ERC2: variants seen among roughly 807,000 people sequenced by gnomAD.
ERC2 encodes the protein ERC protein 2.
Under a neutral mutation model 114.8 loss-of-function variants are expected in ERC2, and 42 were observed. The ratio of observed to expected loss-of-function variants is 0.37; its 90% CI spans 0.29 to 0.47. The LOEUF is 0.47. Ranked by LOEUF, ERC2 falls within the 20% of genes least tolerant of loss-of-function variation. The pLI is 0.99. For missense variants in ERC2, 939 were observed against 1,150.7 expected (o/e 0.82, Z 2.66); for synonymous variants, 454 against 425.5 (o/e 1.07, Z -0.82).
intron 3 of ERC2, among the ~76,000 whole-genome samples, chr3:56,281,001 CAGCTTAT>C (rs2054301020): frequency 6.6e-6 from 1 of 152,186 alleles, no homozygotes; most frequent in South Asian, 2.1e-4. Context: ...TAAGTAAGAA[CAGCTTAT>C]ACACAACCCA....
intron 13 of ERC2, among the ~76,000 whole-genome samples, chr3:55,926,192 G>A (rs1008626579): frequency 6.6e-6 from 1 of 152,110 alleles, no homozygotes; most frequent in Non-Finnish European, 1.5e-5. Flanking sequence ...AATTGTTGAA[G>A]ATTTGAAGCA....
chr3:55,706,039 C>T (rs2063463604), intron 15 of ERC2, among the ~76,000 whole-genome samples: 1 of 151,932 alleles, frequency 6.6e-6, no homozygotes, highest in Admixed American at 6.6e-5. Context: ...GCCACAGGTG[C>T]ACACTTGGCC....
intron 2 of ERC2, among the ~76,000 whole-genome samples, chr3:56,351,542 C>G (rs953769207): frequency 6.6e-6 from 1 of 152,156 alleles, no homozygotes; most frequent in Non-Finnish European, 1.5e-5. Context: ...AGAAAGAAAA[C>G]TAACAACCCA....
intron 17 of ERC2, among the ~76,000 whole-genome samples, chr3:55,610,203 A>G (rs953218336): frequency 6.6e-6 from 1 of 151,958 alleles, no homozygotes. Context: ...TACCCACTAG[A>G]TGACCCATTA....
At chr3:55,527,962 G>A (rs1575478313) in intron 17 of ERC2, among the ~76,000 whole-genome samples, 1 of 152,220 alleles carries the variant, frequency 6.6e-6, no homozygotes, top group Non-Finnish European at 1.5e-5. Context: ...GTGATTTAAT[G>A]TCCTGAGCCT....
At chr3:56,222,849 A>G (rs1051343021) in intron 3 of ERC2, among the ~76,000 whole-genome samples, 2 of 152,232 alleles carry the variant, frequency 1.3e-5, no homozygotes, top group African/African-American at 2.4e-5. Flanking sequence ...TGTGAAATGG[A>G]AAAAAGGAGA....
intron 14 of ERC2, among the ~76,000 whole-genome samples, chr3:55,864,172 T>TATATATATACACATATATATATACAC (rs1559783276): frequency 3.3e-4 from 38 of 113,484 alleles, no homozygotes; most frequent in East Asian, 1.7e-3. Flanking sequence ...TATATACACA[T>TATATATATACACATATATATATACAC]ATATATATAC....
intron 17 of ERC2, among the ~76,000 whole-genome samples, chr3:55,543,817 A>C (rs1481941216): frequency 6.6e-6 from 1 of 152,106 alleles, no homozygotes; most frequent in Admixed American, 6.5e-5. Context: ...TCGGAACTAC[A>C]GCTTGCATGT....
At chr3:55,742,099 A>G (rs2065998240) in intron 14 of ERC2, among the ~76,000 whole-genome samples, 1 of 152,072 alleles carries the variant, frequency 6.6e-6, no homozygotes, top group South Asian at 2.1e-4. Context: ...CACCCTGAAA[A>G]AAAAAAAAAC....
chr3:56,214,757 C>T (rs1192479443), intron 3 of ERC2, among the ~76,000 whole-genome samples: 1 of 151,560 alleles, frequency 6.6e-6, no homozygotes, highest in Middle Eastern at 3.2e-3. Flanking sequence ...GGTCATGTTA[C>T]CCACAAAGGG....
chr3:56,339,096 G>C (rs1018826873), intron 2 of ERC2, among the ~76,000 whole-genome samples: 1 of 152,154 alleles, frequency 6.6e-6, no homozygotes, highest in African/African-American at 2.4e-5. Flanking sequence ...CCAGCTATGG[G>C]AGACAACATG....
intron 17 of ERC2, chr3:55,606,453 T>C (rs963930007): frequency 1.2e-4 from 18 of 147,546 alleles, no homozygotes; most frequent in African/African-American, 4.6e-4. Context: ...AAATAGTAAA[T>C]GTAATAGTCA....
chr3:56,391,320 T>C (rs540056908), intron 2 of ERC2, among the ~76,000 whole-genome samples: 1 of 152,296 alleles, frequency 6.6e-6, no homozygotes, highest in East Asian at 1.9e-4. Context: ...ATGTGCACCA[T>C]TGACTACATC....
intron 1 of ERC2, among the ~76,000 whole-genome samples, chr3:56,449,728 G>C (rs1218950319): frequency 6.6e-6 from 1 of 152,252 alleles, no homozygotes; most frequent in East Asian, 1.9e-4. Flanking sequence ...CAGACTTTTC[G>C]TATAGATTTG....
intron 3 of ERC2, among the ~76,000 whole-genome samples, chr3:56,176,792 A>C (rs2083003000): frequency 6.6e-6 from 1 of 152,212 alleles, no homozygotes; most frequent in Admixed American, 6.5e-5. Context: ...CAGTTGCCCA[A>C]GGAAGGTTTG....
At chr3:56,206,051 T>C (rs1200142247) in intron 3 of ERC2, among the ~76,000 whole-genome samples, 1 of 152,200 alleles carries the variant, frequency 6.6e-6, no homozygotes, top group East Asian at 1.9e-4. Flanking sequence ...ATAGGTATCA[T>C]TGCTGAGCCC....
intron 13 of ERC2, among the ~76,000 whole-genome samples, chr3:55,944,969 T>G (rs563471344): frequency 1.7e-4 from 26 of 152,340 alleles, no homozygotes; most frequent in African/African-American, 5.8e-4. Context: ...TGAGGGTCAG[T>G]TCATATTTCA....
At chr3:55,583,571 TC>T (rs1367285434) in intron 17 of ERC2, among the ~76,000 whole-genome samples, 8 of 134,500 alleles carry the variant, frequency 5.9e-5, no homozygotes, top group Admixed American at 7.6e-5. Flanking sequence ...CTTCCTTCCT[TC>T]CTTCCTTCCT....
At chr3:55,677,976 A>G (rs1258843868) in intron 17 of ERC2, among the ~76,000 whole-genome samples, 1 of 152,200 alleles carries the variant, frequency 6.6e-6, no homozygotes, top group Non-Finnish European at 1.5e-5. Flanking sequence ...AGATGAAGAA[A>G]TATTTTTTGA....
Sources: gnomAD v4.1 joint callset for allele counts (sites outside exome capture counted in the v4.1 genomes callset) on GRCh38, gnomAD v4.1.1 for gene constraint, MANE v1.5 for transcripts, NCBI Gene and HGNC (gene_info 2026-07-23, HGNC 2026-07-21) for gene names.